CTTNBP2: variants seen among roughly 807,000 people sequenced by gnomAD.
The protein encoded by CTTNBP2 is cortactin binding protein 2.
In CTTNBP2, 108 loss-of-function variants were observed where a neutral mutation model predicts 156.9. That is an observed-to-expected ratio of 0.69 (90% CI 0.59 to 0.81). The LOEUF (loss-of-function observed/expected upper bound fraction) is 0.81, where lower values mean the gene tolerates loss of function less well. CTTNBP2 is among the 30% of genes least tolerant of loss of function. CTTNBP2 has a pLI of 0.00. For missense variants in CTTNBP2, 1,924 were observed against 2,035.4 expected (o/e 0.95, Z 1.05); for synonymous variants, 767 against 751.8 (o/e 1.02, Z -0.33).
intron 1 of CTTNBP2, among the ~76,000 whole-genome samples, chr7:117,865,190 T>C (rs1804083513): frequency 6.6e-6 from 1 of 151,456 alleles, no homozygotes; most frequent in Non-Finnish European, 1.5e-5. Context: ...CACAAAAAAA[T>C]TAAGGTCTCT....
intron 2 of CTTNBP2, among the ~76,000 whole-genome samples, chr7:117,829,560 C>CAGGGATCCACATATGCTCTAGGAATG (rs1057037296): frequency 6.6e-6 from 1 of 152,184 alleles, no homozygotes; most frequent in African/African-American, 2.4e-5. Flanking sequence ...TCTCAGGACA[C>CAGGGATCCACATATGCTCTAGGAATG]AGGGATCCAC....
chr7:117,743,599 T>C (rs558145097), intron 14 of CTTNBP2, among the ~76,000 whole-genome samples: 2 of 151,534 alleles, frequency 1.3e-5, no homozygotes, highest in African/African-American at 4.8e-5. Flanking sequence ...CCGTCTCTAC[T>C]AAAAATACAA....
chr7:117,792,928 T>C lies in CTTNBP2; in HGVS notation c.415-147A>G, dbSNP rs912800066. 1 of 532,406 alleles carries C rather than the reference T, an allele frequency of 1.9e-6. No homozygotes were observed. The highest frequency in any genetic ancestry group is 3.1e-6 in the Non-Finnish European group (1 of 322,962). 33.0% of individuals were successfully genotyped at this position (532,406 alleles called of 1,614,324 possible). On this transcript the variant is annotated intron_variant, in intron 3 of 22. Transcript: ENST00000160373. This position sits in a 1 kb window ranked among gnomAD's most constrained non-coding sequence, Gnocchi z 4.2. The stretch of plus-strand genomic sequence containing the variant: ...GCCACATTTTCAAAAAGTGTTGTGA[T>C]AAGAAATATTTTAAAGACACATTAA...
intron 8 of CTTNBP2, among the ~76,000 whole-genome samples, chr7:117,768,042 G>A (rs1357792230): frequency 6.6e-6 from 1 of 151,466 alleles, no homozygotes; most frequent in African/African-American, 2.4e-5. Flanking sequence ...AGCATGAAAA[G>A]GAACTAATAA....
chr7:117,870,823 A>G (rs1427283360), intron 1 of CTTNBP2, among the ~76,000 whole-genome samples: 1 of 152,212 alleles, frequency 6.6e-6, no homozygotes, highest in Non-Finnish European at 1.5e-5. Context: ...ATATGATCCT[A>G]TTGAATAATG....
At chr7:117,780,412 C>A in intron 7 of CTTNBP2, 29 bp downstream of exon 7, 1 of 1,434,672 alleles carries the variant, frequency 7.0e-7, no homozygotes. Flanking sequence ...ATTATATATA[C>A]AGGGGGAAAA....
chr7:117,833,112 C>G (rs745525686), intron 2 of CTTNBP2, among the ~76,000 whole-genome samples: 2 of 152,082 alleles, frequency 1.3e-5, no homozygotes, highest in African/African-American at 4.8e-5. Context: ...GTACTAATCA[C>G]CCCCAGGTCC....
rs181617043 is a variant in CTTNBP2, at chr7:117,851,870, G to A, written c.189+9339C>T. ...AGAAGGAAGCCCAATACACTTTTGA[G>A]ACTTTTTTATGAAAAATGTATTCCC... On this transcript the variant is annotated intron_variant, in intron 2 of 22. Transcript: ENST00000160373. Among the ~76,000 whole-genome samples the A allele has an allele frequency of 2.0e-5, 3 of 152,242 alleles. No homozygotes were observed. In the East Asian group the frequency reaches 5.8e-4, roughly 29 times the overall value.
intron 2 of CTTNBP2, among the ~76,000 whole-genome samples, chr7:117,812,971 A>C (rs1800377767): frequency 6.6e-6 from 1 of 152,196 alleles, no homozygotes; most frequent in Non-Finnish European, 1.5e-5. Flanking sequence ...CACTCAGCAA[A>C]GAGGTATATA....
chr7:117,791,230 G>C lies in CTTNBP2; in HGVS notation c.1966C>G (p.Leu656Val). The C allele has an allele frequency of 6.2e-7, 1 of 1,614,188 alleles. No homozygotes were observed. Among genetic ancestry groups the C allele is most frequent in the Non-Finnish European group, 8.5e-7 (1 of 1,180,028 alleles). ...LNQPACSDSS[L>V]VIPTTIAFCS... is the part of the protein sequence containing the mutation. ...AAGGCAATGGTGGTAGGAATGACAAGGGAACTGTCTGAACATGCAGGTTGG... is the reference window on the plus strand; with the variant it reads ...AAGGCAATGGTGGTAGGAATGACAACGGAACTGTCTGAACATGCAGGTTGG... Residue 656 changes from leucine to valine, a missense_variant, in exon 4 of 23, where the codon CTT (leucine) becomes GTT (valine). Physicochemically the swap from Leu to Val is conservative, Grantham distance 32 (BLOSUM62 1). Coordinates refer to ENST00000160373, the MANE Select transcript of CTTNBP2 (RefSeq NM_033427.3).
At chr7:117,777,117 T>C (rs997215067) in intron 8 of CTTNBP2, among the ~76,000 whole-genome samples, 1 of 152,150 alleles carries the variant, frequency 6.6e-6, no homozygotes, top group South Asian at 2.1e-4. Flanking sequence ...CAGCTCAGGG[T>C]ACAGGGCAAG....
At position 117,745,863 on chromosome 7, in the gene CTTNBP2, T is replaced by G. The variant is rs1422951226; in HGVS notation, c.3503A>C (p.Lys1168Thr). The G allele has an allele frequency of 6.2e-7, 1 of 1,614,100 alleles. No homozygotes were observed. Among genetic ancestry groups the G allele is most frequent in the South Asian group, 1.1e-5 (1 of 91,082 alleles). Reference protein sequence around the residue: ...VRAEVDAGFSKEQLLDLFISS... With the variant: ...VRAEVDAGFSTEQLLDLFISS... The stretch of plus-strand genomic sequence containing the variant: ...AATGAACAGGTCTAGTAGCTGTTCC[T>G]TGGAAAAACCAGCATCTACTTCAGC... The change falls in exon 14 of 23, where the codon AAG becomes ACG. Residue 1168 changes from lysine (K) to threonine (T), a missense_variant. Lys to Thr is a moderately conservative substitution (Grantham distance 78). Transcript: ENST00000160373.
In CTTNBP2 at chr7:117,760,680, A is replaced by C; in HGVS notation, c.2927T>G (p.Val976Gly). 1 of 1,612,832 alleles carries C rather than the reference A, an allele frequency of 6.2e-7. No individual in the cohort carries two copies. Among genetic ancestry groups the C allele is most frequent in the Non-Finnish European group, 8.5e-7 (1 of 1,178,996 alleles). The change falls in exon 10 of 23, where the codon GTG (valine) becomes GGG (glycine). Residue 976 changes from valine to glycine, a missense_variant. Physicochemically the swap from Val to Gly is moderately radical, Grantham distance 109. Transcript: ENST00000160373. ...NALKIPLRIS[V>G]GEIEPSNYGS... ...ATAGTTGCTTGGTTCAATCTCACCC[A>C]CTGAAATCCTTAAGGGTATTTTAAG...
chr7:117,817,910 C>A (rs1324877910), intron 2 of CTTNBP2, among the ~76,000 whole-genome samples: 1 of 152,160 alleles, frequency 6.6e-6, no homozygotes, highest in Non-Finnish European at 1.5e-5. Context: ...GTCACTTTAA[C>A]AGCAGCTGAT....
chr7:117,836,472 G>A (rs1801945616), intron 2 of CTTNBP2, among the ~76,000 whole-genome samples: 1 of 152,198 alleles, frequency 6.6e-6, no homozygotes, highest in African/African-American at 2.4e-5. Flanking sequence ...GCTGAGGCAG[G>A]AGAATGGCAT....
chr7:117,792,173 T>G lies in CTTNBP2; in HGVS notation c.1023A>C (p.Ala341=). The G allele has an allele frequency of 6.2e-7, 1 of 1,614,180 alleles. No homozygotes were observed. Among genetic ancestry groups the G allele is most frequent in the Non-Finnish European group, 8.5e-7 (1 of 1,180,028 alleles). Residue 341 remains alanine (A), a synonymous_variant, in exon 4 of 23, where the codon GCA becomes GCC. Transcript: ENST00000160373. This position sits in a 1 kb window ranked among gnomAD's most constrained non-coding sequence, Gnocchi z 4.2. ...STGSPLVSAN[A]KGSVCTSATM... ...TGGCACTGGTGCACACGCTCCCTTT[T>G]GCATTTGCAGAAACTAGGGGACTCC... is the stretch of plus-strand genomic sequence containing the variant.
intron 20 of CTTNBP2, among the ~76,000 whole-genome samples, chr7:117,720,184 C>T (rs1244918008): frequency 6.9e-6 from 1 of 145,036 alleles, no homozygotes; most frequent in Non-Finnish European, 1.6e-5. Context: ...CTTCATCTCC[C>T]TTCTCTCTCT....
chr7:117,784,165 A>G, intron 5 of CTTNBP2, 86 bp downstream of exon 5: 2 of 976,444 alleles, frequency 2.0e-6, no homozygotes, highest in Non-Finnish European at 2.9e-6. Flanking sequence ...AACTAAATTG[A>G]ACTTTCTGCT....
chr7:117,783,694 T>C (rs1798551644), intron 5 of CTTNBP2, among the ~76,000 whole-genome samples: 1 of 152,252 alleles, frequency 6.6e-6, no homozygotes. Context: ...TATCTGACTT[T>C]GCATTTGCGG....
Sources: gnomAD v4.1 joint callset for allele counts (sites outside exome capture counted in the v4.1 genomes callset) on GRCh38, gnomAD v4.1.1 for gene constraint, Gnocchi (gnomAD v3.1) non-coding constraint, MANE v1.5 for transcripts, NCBI Gene and HGNC (gene_info 2026-07-23, HGNC 2026-07-21) for gene names.